SCHIP1: variants seen among roughly 807,000 people sequenced by gnomAD.
SCHIP1 encodes schwannomin-interacting protein 1.
SCHIP1 carries 8 observed loss-of-function variants against 29.7 expected under a neutral mutation model. The observed-to-expected ratio is 0.27, with a 90% confidence interval of 0.16 to 0.49. The LOEUF (loss-of-function observed/expected upper bound fraction) is 0.49, where lower values mean the gene tolerates loss of function less well. Ranked by LOEUF, SCHIP1 falls within the 20% of genes least tolerant of loss-of-function variation. SCHIP1 has a pLI of 0.99. For synonymous variants in SCHIP1, 76 were observed against 94.9 expected (o/e 0.80, Z 1.16); for missense variants, 193 against 294.6 (o/e 0.66, Z 2.52).
the SCHIP1 span, among the ~76,000 whole-genome samples, chr3:159,626,144 C>CTA: frequency 5.9e-4 from 45 of 75,824 alleles, 1 homozygote; most frequent in Admixed American, 8.0e-4. Context: ...ATAGATATAT[C>CTA]TAGATATATA....
chr3:159,452,350 T>G, the SCHIP1 span, among the ~76,000 whole-genome samples: 136 of 152,230 alleles, frequency 8.9e-4, no homozygotes, highest in Non-Finnish European at 1.6e-3. Flanking sequence ...CCTCCCTGTG[T>G]CCATGTGTTC....
At chr3:159,555,183 C>T in the SCHIP1 span, among the ~76,000 whole-genome samples, 7,010 of 152,212 alleles carry the variant, frequency 0.046, 212 homozygotes, top group Non-Finnish European at 0.07. Flanking sequence ...GCTAATTCCC[C>T]TCTCTGACTA....
At chr3:159,851,638 G>A (rs1356947519) in intron 1 of SCHIP1, among the ~76,000 whole-genome samples, 1 of 152,162 alleles carries the variant, frequency 6.6e-6, no homozygotes, top group African/African-American at 2.4e-5. Context: ...AACATACACA[G>A]GGTCCTTCAA....
the SCHIP1 span, among the ~76,000 whole-genome samples, chr3:159,788,934 C>CATGAT: frequency 1.3e-5 from 2 of 152,090 alleles, no homozygotes; most frequent in African/African-American, 4.8e-5. Flanking sequence ...TGAGGGCTGA[C>CATGAT]ATGATGCTTA....
At chr3:159,375,829 T>A in the SCHIP1 span, 1 of 803,362 alleles carries the variant, frequency 1.2e-6, no homozygotes, top group Non-Finnish European at 1.5e-6. Flanking sequence ...CAGGCAGGAA[T>A]CATCAATGAA....
At chr3:159,887,988 G>A in intron 4 of SCHIP1, 83 bp downstream of exon 5, 1 of 1,539,996 alleles carries the variant, frequency 6.5e-7, no homozygotes, top group Non-Finnish European at 8.8e-7. Flanking sequence ...CCAGAATTAT[G>A]CAAACTTGTG....
chr3:159,283,212 G>A, the SCHIP1 span, among the ~76,000 whole-genome samples: 3 of 152,128 alleles, frequency 2.0e-5, no homozygotes, highest in African/African-American at 7.2e-5. Context: ...GAATGCAGTG[G>A]TATGATCTCA....
At chr3:159,772,425 G>C in the SCHIP1 span, among the ~76,000 whole-genome samples, 1 of 152,186 alleles carries the variant, frequency 6.6e-6, no homozygotes, top group Non-Finnish European at 1.5e-5. Context: ...TTATAGGCGT[G>C]AGCCACCACG....
At chr3:159,488,635 G>C in the SCHIP1 span, among the ~76,000 whole-genome samples, 1 of 152,090 alleles carries the variant, frequency 6.6e-6, no homozygotes, top group Non-Finnish European at 1.5e-5. Context: ...TAGACATCTG[G>C]GGAGAAATTG....
chr3:159,471,187 T>A, the SCHIP1 span, among the ~76,000 whole-genome samples: 3 of 151,314 alleles, frequency 2.0e-5, no homozygotes, highest in Non-Finnish European at 4.4e-5. Flanking sequence ...TGGAAAGGAG[T>A]TGTTTGCCTT....
the SCHIP1 span, among the ~76,000 whole-genome samples, chr3:159,525,709 C>G: frequency 6.6e-6 from 1 of 152,156 alleles, no homozygotes; most frequent in Non-Finnish European, 1.5e-5. Context: ...TTAAAATATT[C>G]ATGGACTGAA....
the SCHIP1 span, among the ~76,000 whole-genome samples, chr3:159,483,167 T>C: frequency 6.6e-6 from 1 of 152,148 alleles, no homozygotes; most frequent in Non-Finnish European, 1.5e-5. Flanking sequence ...AATTCAAATT[T>C]AGGAATCACT....
the SCHIP1 span, among the ~76,000 whole-genome samples, chr3:159,471,320 T>C: frequency 2.6e-5 from 4 of 152,210 alleles, no homozygotes; most frequent in East Asian, 3.9e-4. Context: ...TCATTCTACA[T>C]GATAATTGAA....
chr3:159,761,137 G>C, the SCHIP1 span, among the ~76,000 whole-genome samples: 9 of 152,334 alleles, frequency 5.9e-5, no homozygotes, highest in African/African-American at 1.4e-4. Context: ...GTGGGTAGGG[G>C]AGTAGTTAAT....
the SCHIP1 span, among the ~76,000 whole-genome samples, chr3:159,833,633 C>T: frequency 6.6e-6 from 1 of 152,170 alleles, no homozygotes; most frequent in Non-Finnish European, 1.5e-5. Context: ...TCTCTACAAT[C>T]TCTCCCTTAA....
chr3:159,659,614 C>T, the SCHIP1 span, among the ~76,000 whole-genome samples: 1 of 152,142 alleles, frequency 6.6e-6, no homozygotes, highest in African/African-American at 2.4e-5. Context: ...AGTGCCACCT[C>T]ATCAAACATT....
At chr3:159,709,316 G>T in the SCHIP1 span, among the ~76,000 whole-genome samples, 8 of 151,978 alleles carry the variant, frequency 5.3e-5, no homozygotes, top group African/African-American at 1.9e-4. Flanking sequence ...AAATATCTTA[G>T]CTGTGATATT....
chr3:159,290,357 AG>A, the SCHIP1 span, among the ~76,000 whole-genome samples: 2 of 152,168 alleles, frequency 1.3e-5, no homozygotes, highest in African/African-American at 4.8e-5. Flanking sequence ...TTGCCAAAAA[AG>A]AAACAACAAA....
the SCHIP1 span, among the ~76,000 whole-genome samples, chr3:159,371,061 CCTGAT>C: frequency 2.1e-5 from 1 of 47,388 alleles, no homozygotes; most frequent in East Asian, 4.4e-4. Context: ...GTCTGTCTTT[CCTGAT>C]TGATTAGAAT....
Sources: gnomAD v4.1 joint callset for allele counts (sites outside exome capture counted in the v4.1 genomes callset) on GRCh38, gnomAD v4.1.1 for gene constraint, MANE v1.5 for transcripts, NCBI Gene and HGNC (gene_info 2026-07-23, HGNC 2026-07-21) for gene names.